The following OPTN variants were observed in gnomAD, a reference collection of about 807,000 sequenced individuals.
The protein encoded by OPTN is E3-14.7K-interacting protein.
OPTN carries 54 observed loss-of-function variants against 70.4 expected under a neutral mutation model. The ratio of observed to expected loss-of-function variants is 0.77; its 90% CI spans 0.62 to 0.96. The LOEUF is 0.96. Among genes scored for constraint, OPTN ranks in the 40% least tolerant of loss-of-function variants. The probability of loss-of-function intolerance (pLI) is 0.00; values close to 1 mark genes in which losing one functional copy is unlikely to be tolerated. For missense variants in OPTN, 624 were observed against 673.2 expected, an observed-to-expected ratio of 0.93 and a Z score of 0.81; for synonymous variants, 256 against 248.5, an observed-to-expected ratio of 1.03 and a Z score of -0.28.
In OPTN at chr10:13,125,467, GAAA is replaced by G; in HGVS notation, c.1050_1052del (p.Lys351del). On this transcript the variant is annotated inframe_deletion, in exon 10 of 15. Coordinates refer to ENST00000378747, the MANE Select transcript of OPTN (RefSeq NM_001008212.2). Reference sequence around the variant, plus strand: ...TTCTGCAATTCCATCAGAGTTGAATGAAAAGCAAGAGCTTGTTTATACTAACAA... The same window carrying G: ...TTCTGCAATTCCATCAGAGTTGAATGAGCAAGAGCTTGTTTATACTAACAA... 6.2e-7 allele frequency: 1 copy of G among 1,614,164 alleles called. No individual in the cohort carries two copies. Among genetic ancestry groups the G allele is most frequent in the Non-Finnish European group, 8.5e-7 (1 of 1,180,012 alleles).
intron 6 of OPTN, 39 bp downstream of exon 6, chr10:13,116,379 TG>T: frequency 6.7e-7 from 1 of 1,490,862 alleles, no homozygotes; most frequent in African/African-American, 1.4e-5. Flanking sequence ...GCAGACAGGC[TG>T]GGCAGGCTCG....
rs568254530 is a variant in OPTN at position 13,117,230 on chromosome 10, A to G, written c.626+890A>G. On this transcript the variant is annotated intron_variant, in intron 6 of 14. Coordinates refer to ENST00000378747, the MANE Select transcript of OPTN (RefSeq NM_001008212.2). ...CGAGTAGCTGGAACCACAGGCGCCC[A>G]CCACCATGCCCGGCTAATTTTTTGT... Among the ~76,000 whole-genome samples, 255 of 150,962 alleles carry G rather than the reference A, an allele frequency of 1.7e-3. 1 individual carries two copies. The highest frequency in any genetic ancestry group is 5.7e-3 in the African/African-American group (236 of 41,086).
intron 14 of OPTN, 80 bp from the exon 15 acceptor site, chr10:13,136,665 A>G: frequency 6.4e-7 from 1 of 1,567,122 alleles, no homozygotes; most frequent in South Asian, 1.1e-5. Flanking sequence ...TGATGTTAAA[A>G]CTCGCCATCT....
chr10:13,118,801 T>C, intron 6 of OPTN, 87 bp from the exon 7 acceptor site: 1 of 1,164,030 alleles, frequency 8.6e-7, no homozygotes, highest in South Asian at 1.2e-5. Flanking sequence ...GCAGTTCCTT[T>C]AAGCTGGTCC....
chr10:13,104,957 C>A lies in OPTN; in HGVS notation c.-163-3181C>A, dbSNP rs74120669. ...TGGTAACTACGCCGACGTGCGAGCT[C>A]TGCTACTAATTTATGTATTTTTAGT... On this transcript the variant is annotated intron_variant, in intron 1 of 14. Transcript: ENST00000378747. Among the ~76,000 whole-genome samples the A allele has an allele frequency of 5.4e-3, 823 of 151,670 alleles. 9 individuals carry two copies. Among genetic ancestry groups the A allele is most frequent in the African/African-American group, 0.019 (798 of 41,322 alleles).
At chr10:13,128,853 A>C (rs1334931834) in intron 12 of OPTN, among the ~76,000 whole-genome samples, 1 of 151,950 alleles carries the variant, frequency 6.6e-6, no homozygotes, top group East Asian at 1.9e-4. Flanking sequence ...TGGCTTTTTA[A>C]AAAAATGTAA....
At chr10:13,129,869 C>T (rs1039521573) in intron 12 of OPTN, among the ~76,000 whole-genome samples, 1 of 152,182 alleles carries the variant, frequency 6.6e-6, no homozygotes, top group African/African-American at 2.4e-5. Flanking sequence ...CTCATTATCA[C>T]CAGCTGCCCA....
intron 11 of OPTN, among the ~76,000 whole-genome samples, chr10:13,127,035 C>A (rs10796027): frequency 0.26 from 39,664 of 152,042 alleles, 5,233 homozygotes; most frequent in South Asian, 0.35. Flanking sequence ...AAAAAGAAAA[C>A]AATAAATAAA....
intron 11 of OPTN, among the ~76,000 whole-genome samples, chr10:13,127,244 AGTGCTGGGATTACAG>A (rs1833486944): frequency 6.6e-6 from 1 of 152,124 alleles, no homozygotes; most frequent in African/African-American, 2.4e-5. Flanking sequence ...AGCCTCCCAA[AGTGCTGGGATTACAG>A]GTGTGAGCCA....
In OPTN at chr10:13,115,476, TATAATATATTCTATATTATATAA is replaced by T. The variant is rs1833170921; in HGVS notation, c.553-790_553-768del. ...TCTATATTATATAATATAGAATATA[TATAATATATTCTATATTATATAA>T]TATAGAATATATATAATATATTCTA... On this transcript the variant is annotated intron_variant, in intron 5 of 14. Transcript: ENST00000378747. Among the ~76,000 whole-genome samples the T allele has an allele frequency of 9.8e-5, 10 of 101,934 alleles. No individual in the cohort carries two copies. The South Asian group carries it at 2.6e-3, about 27-fold the overall frequency. The allele number at this position is 101,934 out of a possible 152,430, so 66.9% of individuals were successfully genotyped here. A position where few individuals can be genotyped will look rare whatever the true frequency, so the allele number is the denominator to read the frequency against.
chr10:13,133,057 C>T (rs1833626529), intron 13 of OPTN, among the ~76,000 whole-genome samples: 1 of 152,184 alleles, frequency 6.6e-6, no homozygotes, highest in Non-Finnish European at 1.5e-5. Context: ...TATACTTTTA[C>T]ATATCACATA....
chr10:13,124,863 G>T (rs1377879655), intron 9 of OPTN, among the ~76,000 whole-genome samples: 1 of 152,154 alleles, frequency 6.6e-6, no homozygotes, highest in Non-Finnish European at 1.5e-5. Context: ...ATTGTGTGTT[G>T]TAATTTCTTC....
chr10:13,118,107 T>C lies in OPTN; in HGVS notation c.627-781T>C, dbSNP rs537682571. Among the ~76,000 whole-genome samples the C allele has an allele frequency of 1.7e-4, 26 of 152,374 alleles. No individual in the cohort carries two copies. The East Asian group carries it at 4.8e-3, about 28-fold the overall frequency. On this transcript the variant is annotated intron_variant, in intron 6 of 14. Transcript: ENST00000378747. ...TTAAGCCACATGGCTATTTTTAAAA[T>C]AACAGCTCTGTACCATTTGTGAGTA...
At chr10:13,114,836 A>AACGTATATATAATTATATAATTATAT (rs1833108701) in intron 5 of OPTN, among the ~76,000 whole-genome samples, 1 of 111,942 alleles carries the variant, frequency 8.9e-6, no homozygotes. Flanking sequence ...ATAATTATAT[A>AACGTATATATAATTATATAATTATAT]ATTATATAAT....
intron 7 of OPTN, among the ~76,000 whole-genome samples, chr10:13,120,129 C>G (rs1013620321): frequency 1.3e-5 from 2 of 151,664 alleles, no homozygotes; most frequent in African/African-American, 4.8e-5. Flanking sequence ...ACTACAGGCG[C>G]CCGCCACCAC....
At position 13,109,305 on chromosome 10, in the gene OPTN, C is replaced by T; in HGVS notation, c.166+17C>T. 1 of 1,613,492 alleles carries T rather than the reference C, an allele frequency of 6.2e-7. No individual in the cohort carries two copies. The highest frequency in any genetic ancestry group is 1.3e-5 in the African/African-American group (1 of 75,004). On this transcript the variant is annotated intron_variant, in intron 3 of 14. Transcript: ENST00000378747. Reference sequence around the variant, plus strand: ...AGCTGAAAGGTGAGCAGGGCTGGCCCCTGTGTGCCCCATTCATCCTGGGCC... The same window carrying T: ...AGCTGAAAGGTGAGCAGGGCTGGCCTCTGTGTGCCCCATTCATCCTGGGCC...
intron 5 of OPTN, among the ~76,000 whole-genome samples, chr10:13,115,378 G>A (rs1251365716): frequency 1.0e-5 from 1 of 100,366 alleles, no homozygotes; most frequent in South Asian, 3.2e-4. Flanking sequence ...ACTTATATAT[G>A]TATCTGTTTT....
rs965908216 is a variant in OPTN, at chr10:13,120,144, G to A, written c.779+1104G>A. Among the ~76,000 whole-genome samples the A allele has an allele frequency of 1.6e-4, 24 of 150,202 alleles. 1 individual carries two copies. The highest frequency in any genetic ancestry group is 3.0e-4 in the Non-Finnish European group (20 of 67,634). Reference sequence around the variant, plus strand: ...ACTACAGGCGCCCGCCACCACGCCCGGCTAATTTTTTTTTTTTGTATTTTT... The same window carrying A: ...ACTACAGGCGCCCGCCACCACGCCCAGCTAATTTTTTTTTTTTGTATTTTT... On this transcript the variant is annotated intron_variant, in intron 7 of 14. Coordinates refer to ENST00000378747, the MANE Select transcript of OPTN (RefSeq NM_001008212.2).
intron 8 of OPTN, 131 bp downstream of exon 8, chr10:13,122,618 A>G (rs916773028): frequency 2.1e-5 from 15 of 727,566 alleles, no homozygotes; most frequent in Admixed American, 1.2e-4. Context: ...AATATTATCT[A>G]TCTATTCCTT....
Sources: gnomAD v4.1 joint callset for allele counts (sites outside exome capture counted in the v4.1 genomes callset) on GRCh38, gnomAD v4.1.1 for gene constraint, MANE v1.5 for transcripts, NCBI Gene and HGNC (gene_info 2026-07-23, HGNC 2026-07-21) for gene names.